The following CACNA2D3 variants were observed in gnomAD, a reference collection of about 807,000 sequenced individuals.
CACNA2D3 encodes the protein voltage-dependent calcium channel subunit alpha-2/delta-3.
Under a neutral mutation model 160.6 loss-of-function variants are expected in CACNA2D3, and 60 were observed. That is an observed-to-expected ratio of 0.37 (90% CI 0.30 to 0.46). The LOEUF (loss-of-function observed/expected upper bound fraction) is 0.46. Among genes scored for constraint, CACNA2D3 ranks in the 20% least tolerant of loss-of-function variants. The pLI is 1.00. For missense variants in CACNA2D3, 1,205 were observed against 1,365.0 expected (o/e 0.88, Z 1.85); for synonymous variants, 558 against 492.9 (o/e 1.13, Z -1.75).
At chr3:54,440,320 C>T (rs1433937516) in intron 4 of CACNA2D3, among the ~76,000 whole-genome samples, 2 of 152,086 alleles carry the variant, frequency 1.3e-5, no homozygotes, top group African/African-American at 4.8e-5. Flanking sequence ...AGATGAAACC[C>T]ACCCTCTGGA....
intron 3 of CACNA2D3, among the ~76,000 whole-genome samples, chr3:54,365,805 A>G (rs949176035): frequency 1.3e-5 from 2 of 152,258 alleles, no homozygotes; most frequent in African/African-American, 2.4e-5. Flanking sequence ...GGAGGTTGCA[A>G]TGAGCCAAGA....
chr3:54,841,865 C>T (rs972961973), intron 16 of CACNA2D3, among the ~76,000 whole-genome samples: 7 of 152,194 alleles, frequency 4.6e-5, no homozygotes, highest in African/African-American at 7.2e-5. Context: ...TGTTGGACCA[C>T]GTGGCTTCTG....
intron 3 of CACNA2D3, among the ~76,000 whole-genome samples, chr3:54,365,581 T>C (rs7427395): frequency 0.86 from 130,619 of 152,188 alleles, 56,097 homozygotes; most frequent in Middle Eastern, 0.89. Context: ...ACAGGCTATC[T>C]GGCCGGTCAC....
At chr3:54,763,771 A>G (rs9759115) in intron 12 of CACNA2D3, among the ~76,000 whole-genome samples, 1 of 52,212 alleles carries the variant, frequency 1.9e-5, no homozygotes, top group African/African-American at 5.5e-5. Flanking sequence ...ATATATATGT[A>G]TATATGTACA....
chr3:54,691,712 G>A (rs1386699256), intron 11 of CACNA2D3, among the ~76,000 whole-genome samples: 5 of 152,178 alleles, frequency 3.3e-5, no homozygotes, highest in Admixed American at 3.3e-4. Context: ...CAGCTCTGGG[G>A]CCTATGTGAG....
At position 54,469,614 on chromosome 3, in the gene CACNA2D3, G is replaced by T. The variant is rs141980520; in HGVS notation, c.382-33878G>T. Among the ~76,000 whole-genome samples, 1,217 of 151,926 alleles carry T rather than the reference G, an allele frequency of 8.0e-3. 11 individuals are homozygous for T. The highest frequency in any genetic ancestry group is 0.014 in the Non-Finnish European group (938 of 67,888). ...TGACAGAAGTAGGCTTCAGAAGGTG[G>T]GTAATGACAAACTCCTCTGAGCTAA... On this transcript the variant is annotated intron_variant, in intron 4 of 37. Coordinates refer to ENST00000474759, the MANE Select transcript of CACNA2D3 (RefSeq NM_018398.3).
chr3:54,180,053 A>G (rs1449118091), intron 2 of CACNA2D3, among the ~76,000 whole-genome samples: 2 of 109,648 alleles, frequency 1.8e-5, no homozygotes, highest in South Asian at 5.9e-4. Flanking sequence ...TTTGCATTTT[A>G]TGTCTTAGCT....
chr3:55,027,227 G>A (rs570326810), intron 35 of CACNA2D3, among the ~76,000 whole-genome samples: 14 of 152,244 alleles, frequency 9.2e-5, no homozygotes, highest in South Asian at 6.2e-4. Context: ...AAACAGTTTC[G>A]TTGAGTGCTT....
intron 13 of CACNA2D3, among the ~76,000 whole-genome samples, chr3:54,799,373 T>A (rs1702934765): frequency 1.3e-5 from 2 of 152,168 alleles, no homozygotes; most frequent in Non-Finnish European, 2.9e-5. Flanking sequence ...TATATACTCT[T>A]CCCACTGCAG....
rs1271895999 is a variant in CACNA2D3 at position 54,879,372 on chromosome 3, A to G, written c.1805A>G (p.Asn602Ser). 1 of 1,609,136 alleles carries G rather than the reference A, an allele frequency of 6.2e-7. No homozygotes were observed. Among genetic ancestry groups the G allele is most frequent in the African/African-American group, 1.3e-5 (1 of 74,420 alleles). Residue 602 changes from asparagine to serine, a missense_variant, in exon 20 of 38, where the codon AAT (asparagine) becomes AGT (serine). Asn to Ser is a conservative substitution (Grantham distance 46). Coordinates refer to ENST00000474759, the MANE Select transcript of CACNA2D3 (RefSeq NM_018398.3). The stretch of plus-strand genomic sequence containing the variant: ...TAGAAACGGGTTTTGGTGATGACAA[A>G]TGACTACTATTATACAGACATCAAG... ...DKGKRVLVMTNDYYYTDIKGT... is the reference protein window; with the variant it reads ...DKGKRVLVMTSDYYYTDIKGT...
intron 12 of CACNA2D3, among the ~76,000 whole-genome samples, chr3:54,760,623 G>A (rs1360909460): frequency 6.6e-6 from 1 of 152,184 alleles, no homozygotes; most frequent in Non-Finnish European, 1.5e-5. Context: ...GGAGACTCTT[G>A]TGGACTCTGG....
chr3:54,863,412 TC>T (rs1424170087), intron 17 of CACNA2D3, among the ~76,000 whole-genome samples: 1 of 152,180 alleles, frequency 6.6e-6, no homozygotes, highest in Non-Finnish European at 1.5e-5. Context: ...CCACTCTCCC[TC>T]CCTGCTTTCA....
chr3:54,853,972 G>A (rs1170610681), intron 17 of CACNA2D3, among the ~76,000 whole-genome samples: 1 of 152,150 alleles, frequency 6.6e-6, no homozygotes, highest in African/African-American at 2.4e-5. Context: ...CTCTCAGGCT[G>A]CTGCTGAACT....
At chr3:54,974,643 C>T (rs147355668) in intron 29 of CACNA2D3, among the ~76,000 whole-genome samples, 83 of 152,308 alleles carry the variant, frequency 5.4e-4, no homozygotes, top group African/African-American at 1.8e-3. Flanking sequence ...CGGAGCCATC[C>T]GAATAGTTGC....
chr3:54,916,963 G>A (rs987505814), intron 27 of CACNA2D3, among the ~76,000 whole-genome samples: 6 of 152,176 alleles, frequency 3.9e-5, no homozygotes, highest in African/African-American at 7.2e-5. Flanking sequence ...AGATTGATTA[G>A]CAATGTCTGT....
intron 2 of CACNA2D3, among the ~76,000 whole-genome samples, chr3:54,161,959 C>T (rs897728815): frequency 6.6e-6 from 1 of 152,150 alleles, no homozygotes; most frequent in African/African-American, 2.4e-5. Context: ...CATTCCTGGT[C>T]TTTGCCATTT....
intron 11 of CACNA2D3, among the ~76,000 whole-genome samples, chr3:54,736,109 GTATAT>G (rs1701519625): frequency 1.5e-4 from 3 of 20,080 alleles, no homozygotes; most frequent in Non-Finnish European, 2.5e-4. Flanking sequence ...ACATATATAT[GTATAT>G]ATATACATAT....
intron 4 of CACNA2D3, among the ~76,000 whole-genome samples, chr3:54,420,535 A>G (rs72973132): frequency 0.03 from 4,605 of 152,304 alleles, 235 homozygotes; most frequent in African/African-American, 0.11. Context: ...ATCTCCTGCC[A>G]GGTCCACTTC....
intron 6 of CACNA2D3, among the ~76,000 whole-genome samples, chr3:54,567,835 T>G (rs2106715953): frequency 6.6e-6 from 1 of 152,238 alleles, no homozygotes; most frequent in African/African-American, 2.4e-5. Flanking sequence ...TGGCTGGAGA[T>G]GGTTTGAATG....
Sources: allele counts gnomAD v4.1 joint callset (sites outside exome capture counted in the v4.1 genomes callset), GRCh38; gene constraint gnomAD v4.1.1; transcripts MANE v1.5; gene names NCBI Gene and HGNC (gene_info 2026-07-23, HGNC 2026-07-21).